WHR1: variants seen among roughly 807,000 people sequenced by gnomAD.
WHR1 encodes the protein winged helix repair factor 1.
chr6:31,971,625 C>A, the WHR1 span: 1 of 1,612,168 alleles, frequency 6.2e-7, no homozygotes, highest in Admixed American at 1.7e-5. This position sits in a 1 kb window ranked among gnomAD's most constrained non-coding sequence, Gnocchi z 4.5. Flanking sequence ...TGTTCCGAGG[C>A]TCAGCTACCT....
chr6:31,971,750 A>C, the WHR1 span: 10 of 1,456,844 alleles, frequency 6.9e-6, no homozygotes, highest in Non-Finnish European at 9.1e-6. The surrounding 1 kb of genome is among the most constrained non-coding windows in gnomAD (Gnocchi z 4.5). Flanking sequence ...CTGGTTTAGG[A>C]CTAAGCGAGC....
the WHR1 span, chr6:31,980,819 C>G: frequency 6.7e-7 from 1 of 1,503,736 alleles, no homozygotes; most frequent in Non-Finnish European, 8.9e-7. Context: ...TTTCCCTGGC[C>G]TCTGGCAGAT....
the WHR1 span, chr6:31,972,001 A>T: frequency 6.2e-7 from 1 of 1,603,122 alleles, no homozygotes; most frequent in Non-Finnish European, 8.5e-7. The surrounding 1 kb of genome is among the most constrained non-coding windows in gnomAD (Gnocchi z 6.3). Context: ...CGAAGGATGC[A>T]AAAGTGGTTT....
the WHR1 span, chr6:31,979,323 G>A: frequency 6.4e-7 from 1 of 1,556,396 alleles, no homozygotes; most frequent in Non-Finnish European, 8.7e-7. Context: ...CTGAGCAAGA[G>A]GTAAGACAGG....
the WHR1 span, chr6:31,971,213 A>G: frequency 2.5e-5 from 39 of 1,578,394 alleles, no homozygotes; most frequent in Non-Finnish European, 3.3e-5. This position sits in a 1 kb window ranked among gnomAD's most constrained non-coding sequence, Gnocchi z 4.5. Context: ...CCCTCGAAGA[A>G]TAGTCTTGTT....
chr6:31,975,075 G>A, the WHR1 span, among the ~76,000 whole-genome samples: 1 of 152,128 alleles, frequency 6.6e-6, no homozygotes, highest in Admixed American at 6.6e-5. Flanking sequence ...TACCTATCTA[G>A]CCACTCCCTA....
chr6:31,971,533 T>A, the WHR1 span: 2 of 1,614,106 alleles, frequency 1.2e-6, no homozygotes, highest in Non-Finnish European at 1.7e-6. This position sits in a 1 kb window ranked among gnomAD's most constrained non-coding sequence, Gnocchi z 4.5. Context: ...GCAGCCCAGT[T>A]CCGAAGGGCG....
At chr6:31,980,505 A>AG in the WHR1 span, 2 of 1,613,098 alleles carry the variant, frequency 1.2e-6, no homozygotes, top group Non-Finnish European at 1.7e-6. Context: ...GCTGGTGGCT[A>AG]GCTGTGCCTG....
the WHR1 span, chr6:31,979,076 A>G: frequency 6.8e-7 from 1 of 1,481,146 alleles, no homozygotes; most frequent in Admixed American, 1.7e-5. Context: ...AAACAGAAAT[A>G]AAAACAAAAG....
At chr6:31,978,323 TG>T in the WHR1 span, among the ~76,000 whole-genome samples, 4 of 150,582 alleles carry the variant, frequency 2.7e-5, no homozygotes, top group South Asian at 2.1e-4. Context: ...ATGTGGCGGG[TG>T]GGGGGGTCTC....
chr6:31,972,391 G>C, the WHR1 span: 2 of 1,613,000 alleles, frequency 1.2e-6, no homozygotes, highest in Non-Finnish European at 1.7e-6. The surrounding 1 kb of genome is among the most constrained non-coding windows in gnomAD (Gnocchi z 6.3). Flanking sequence ...CCCCTTCCCC[G>C]GTACCATAAA....
chr6:31,979,065 G>A, the WHR1 span: 3 of 1,514,620 alleles, frequency 2.0e-6, no homozygotes, highest in East Asian at 4.5e-5. Flanking sequence ...GGGAACTTGG[G>A]AAACAGAAAT....
At chr6:31,976,871 G>T in the WHR1 span, among the ~76,000 whole-genome samples, 5 of 152,180 alleles carry the variant, frequency 3.3e-5, no homozygotes, top group East Asian at 3.9e-4. Flanking sequence ...GCGAAACCCC[G>T]TCTCCACTAA....
chr6:31,977,366 G>A, the WHR1 span, among the ~76,000 whole-genome samples: 13 of 140,586 alleles, frequency 9.2e-5, no homozygotes, highest in African/African-American at 3.5e-4. Flanking sequence ...TTTTTGAGAC[G>A]GAGTCTCGCT....
At chr6:31,972,946 A>T in the WHR1 span, 1 of 1,013,516 alleles carries the variant, frequency 9.9e-7, no homozygotes, top group Non-Finnish European at 1.5e-6. This position sits in a 1 kb window ranked among gnomAD's most constrained non-coding sequence, Gnocchi z 6.3. Context: ...CAAATCATGG[A>T]GGTAGAAGAA....
chr6:31,976,801 G>A, the WHR1 span, among the ~76,000 whole-genome samples: 15 of 152,366 alleles, frequency 9.8e-5, no homozygotes, highest in Admixed American at 3.9e-4. Context: ...CGGCACCTCC[G>A]GAGGCCGAGG....
the WHR1 span, chr6:31,979,126 A>G: frequency 1.2e-6 from 1 of 825,792 alleles, no homozygotes; most frequent in Non-Finnish European, 1.9e-6. Context: ...GAGAGGGCAC[A>G]GGGCCCTGGT....
the WHR1 span, chr6:31,980,415 C>G: frequency 6.4e-7 from 1 of 1,565,528 alleles, no homozygotes; most frequent in Non-Finnish European, 8.7e-7. Flanking sequence ...TCTCAGAGCC[C>G]AGCCCTCATC....
the WHR1 span, chr6:31,979,625 GTCC>G: frequency 5.5e-5 from 85 of 1,553,204 alleles, no homozygotes; most frequent in Non-Finnish European, 6.8e-5. Flanking sequence ...CATCCAGCCT[GTCC>G]TCCTGTTTTT....
Sources: gnomAD v4.1 joint callset for allele counts (sites outside exome capture counted in the v4.1 genomes callset) on GRCh38, gnomAD v4.1.1 for gene constraint, Gnocchi (gnomAD v3.1) non-coding constraint, MANE v1.5 for transcripts, NCBI Gene and HGNC (gene_info 2026-07-23, HGNC 2026-07-21) for gene names.